ABCA12: variants seen among roughly 807,000 people sequenced by gnomAD.
The protein encoded by ABCA12 is ATP binding cassette subfamily A member 12.
A neutral mutation model predicts 293.5 loss-of-function variants in ABCA12; 156 were observed. The observed-to-expected ratio is 0.53, with a 90% CI of 0.47 to 0.61. The LOEUF (loss-of-function observed/expected upper bound fraction) is 0.61, where lower values mean the gene tolerates loss of function less well. Among genes scored for constraint, ABCA12 ranks in the 20% least tolerant of loss-of-function variants. The pLI is 0.00. For synonymous variants in ABCA12, 1,063 were observed against 1,108.0 expected (o/e 0.96, Z 0.81); for missense variants, 2,797 against 3,090.2 (o/e 0.91, Z 2.25).
chr2:215,097,746 ACTAT>A (rs536679690), intron 2 of ABCA12, among the ~76,000 whole-genome samples: 293 of 152,348 alleles, frequency 1.9e-3, no homozygotes, highest in Non-Finnish European at 3.4e-3. Context: ...CTACATTAAT[ACTAT>A]CTAATATTAA....
At chr2:214,991,060 G>T (rs762210261) in intron 23 of ABCA12, 29 bp from the exon 24 acceptor site, 1 of 1,579,290 alleles carries the variant, frequency 6.3e-7, no homozygotes. Flanking sequence ...TGAGGCGCTT[G>T]TTATGCTGAT....
intron 34 of ABCA12, 43 bp from the exon 35 acceptor site, chr2:214,974,907 T>A: frequency 6.8e-7 from 1 of 1,475,694 alleles, no homozygotes; most frequent in East Asian, 2.3e-5. Flanking sequence ...ATTTTTCTAC[T>A]AGTCTCCCAT....
chr2:214,964,262 GC>G (rs1428846762), intron 39 of ABCA12, among the ~76,000 whole-genome samples: 2 of 152,106 alleles, frequency 1.3e-5, no homozygotes, highest in African/African-American at 4.8e-5. Flanking sequence ...CAAACCCACA[GC>G]CAATATCATA....
intron 2 of ABCA12, among the ~76,000 whole-genome samples, chr2:215,081,690 C>T (rs1701945001): frequency 6.6e-6 from 1 of 152,002 alleles, no homozygotes; most frequent in Non-Finnish European, 1.5e-5. Context: ...CAAACTAACA[C>T]ATGAAATTAT....
chr2:215,067,666 G>A (rs1370495398), intron 2 of ABCA12, among the ~76,000 whole-genome samples: 1 of 152,118 alleles, frequency 6.6e-6, no homozygotes, highest in Admixed American at 6.6e-5. Context: ...TCCTAAGCTG[G>A]TTATGGCTTA....
chr2:215,138,551 G>T lies in ABCA12; in HGVS notation c.-343C>A. On this transcript the variant is annotated 5_prime_UTR_variant, in exon 1 of 53. Coordinates refer to ENST00000272895, the MANE Select transcript of ABCA12 (RefSeq NM_173076.3). ...AGAGAATGAGCATCATTCAGATAATGCCTCACTGAAAAAAAAAAAAAAGCA... is the reference window on the plus strand; with the variant it reads ...AGAGAATGAGCATCATTCAGATAATTCCTCACTGAAAAAAAAAAAAAAGCA... 1.5e-5 allele frequency: 4 copies of T among 271,068 alleles called. No individual in the cohort carries two copies. Among genetic ancestry groups the T allele is most frequent in the South Asian group, 4.1e-5 (1 of 24,446 alleles). The allele number at this position is 271,068 out of a possible 1,614,324, so 16.8% of individuals were successfully genotyped here. A position where few individuals can be genotyped will look rare whatever the true frequency, so the allele number is the denominator to read the frequency against.
At chr2:215,108,937 G>A (rs1702515469) in intron 2 of ABCA12, among the ~76,000 whole-genome samples, 2 of 151,908 alleles carry the variant, frequency 1.3e-5, no homozygotes, top group Non-Finnish European at 2.9e-5. Context: ...GTGTGGTGGT[G>A]GGCTCCTGTA....
intron 2 of ABCA12, among the ~76,000 whole-genome samples, chr2:215,094,812 C>G (rs534171800): frequency 6.6e-6 from 1 of 152,288 alleles, no homozygotes; most frequent in East Asian, 1.9e-4. Flanking sequence ...CCATTACAAC[C>G]TCTAACAGCT....
At chr2:215,053,349 A>G (rs912997989) in intron 4 of ABCA12, among the ~76,000 whole-genome samples, 1 of 152,066 alleles carries the variant, frequency 6.6e-6, no homozygotes, top group African/African-American at 2.4e-5. Context: ...GGTACCAGTG[A>G]CTCATCAGCA....
chr2:215,114,177 G>A (rs1225111711), intron 1 of ABCA12, among the ~76,000 whole-genome samples: 1 of 152,174 alleles, frequency 6.6e-6, no homozygotes, highest in African/African-American at 2.4e-5. Flanking sequence ...GTCTCACCAT[G>A]TAGGCCAGGA....
chr2:215,004,199 T>C lies in ABCA12; in HGVS notation c.2683+10A>G, dbSNP rs534292514. The C allele has an allele frequency of 3.1e-6, 5 of 1,609,862 alleles. No individual in the cohort carries two copies. Among genetic ancestry groups the C allele is most frequent in the East Asian group, 2.2e-5 (1 of 44,826 alleles). ...ACTCATGAATAAAAGCTTTGTGAAT[T>C]TGGACTCACCGAGTTCATCTATCTG... On this transcript the variant is annotated intron_variant, in intron 20 of 52. Coordinates refer to ENST00000272895, the MANE Select transcript of ABCA12 (RefSeq NM_173076.3).
At chr2:215,082,717 C>T (rs1701967645) in intron 2 of ABCA12, 1 of 152,142 alleles carries the variant, frequency 6.6e-6, no homozygotes, top group African/African-American at 2.4e-5. Context: ...CACACAAGCC[C>T]CCTGCTAACT....
rs116010554 is a variant in ABCA12, at chr2:215,087,418, C to T, written c.164-23199G>A. On this transcript the variant is annotated intron_variant, in intron 2 of 52. Coordinates refer to ENST00000272895, the MANE Select transcript of ABCA12 (RefSeq NM_173076.3). ...CAAATTTTTACTATGTGCTTGTCAA[C>T]GGACTGAGTCTTAAGAGCAAATATA... is the stretch of plus-strand genomic sequence containing the variant. Among the ~76,000 whole-genome samples, 1,283 of 151,944 alleles carry T rather than the reference C, an allele frequency of 8.4e-3. 18 individuals are homozygous for T. Among genetic ancestry groups the T allele is most frequent in the African/African-American group, 0.029 (1,209 of 41,432 alleles).
intron 27 of ABCA12, among the ~76,000 whole-genome samples, chr2:214,987,119 G>C (rs888369583): frequency 1.3e-5 from 2 of 152,118 alleles, no homozygotes; most frequent in African/African-American, 4.8e-5. Flanking sequence ...AAGACTAGTT[G>C]AGATTGTGGT....
chr2:215,059,706 G>A (rs751461482), intron 3 of ABCA12, among the ~76,000 whole-genome samples: 3 of 151,892 alleles, frequency 2.0e-5, no homozygotes, highest in African/African-American at 7.3e-5. Context: ...TAGAATATGG[G>A]GAGAAGGAGA....
rs1701191912 is a variant in ABCA12 at position 215,045,879 on chromosome 2, G to A, written c.830C>T (p.Thr277Ile). ...AACATCAAATAGATTGCTTAGTGAT[G>A]TGTCATTCTGAAACACATTTGGAAA... ...SSFPNVFQND[T>I]SLSNLFDVLR... The change falls in exon 7 of 53, where the codon ACA becomes ATA. Residue 277 changes from threonine to isoleucine, a missense_variant. By Grantham distance (89) the Thr-to-Ile change is moderately conservative. Around this residue, in one of 3 missense-constraint regions of ABCA12, gnomAD observed 656 missense variants for 638.2 expected, o/e 1.03. Coordinates refer to ENST00000272895, the MANE Select transcript of ABCA12 (RefSeq NM_173076.3). 1 of 1,613,500 alleles carries A rather than the reference G, an allele frequency of 6.2e-7. No homozygotes were observed. Among genetic ancestry groups the A allele is most frequent in the Admixed American group, 1.7e-5 (1 of 59,942 alleles).
At chr2:215,098,950 C>T (rs565857721) in intron 2 of ABCA12, among the ~76,000 whole-genome samples, 1 of 152,314 alleles carries the variant, frequency 6.6e-6, no homozygotes, top group Admixed American at 6.5e-5. Context: ...TGTTATTGCA[C>T]CATTGAATCT....
chr2:214,945,876 G>T (rs917135364), intron 48 of ABCA12, among the ~76,000 whole-genome samples: 4 of 152,140 alleles, frequency 2.6e-5, no homozygotes, highest in Non-Finnish European at 5.9e-5. Context: ...AGCTAATATA[G>T]TTGAGCTCAT....
At chr2:214,977,235 G>A (rs184663855) in intron 33 of ABCA12, among the ~76,000 whole-genome samples, 22 of 152,278 alleles carry the variant, frequency 1.4e-4, no homozygotes, top group Non-Finnish European at 2.4e-4. Context: ...TCAATGAAGG[G>A]AACATTTGGA....
Sources: allele counts gnomAD v4.1 joint callset (sites outside exome capture counted in the v4.1 genomes callset), GRCh38; gene constraint gnomAD v4.1.1; regional missense constraint gnomAD v4.1.1; transcripts MANE v1.5; gene names NCBI Gene and HGNC (gene_info 2026-07-23, HGNC 2026-07-21).